The following PRDM2 variants were observed in gnomAD, a reference collection of about 807,000 sequenced individuals.
The protein encoded by PRDM2 is PR/SET domain 2, also known as PR domain zinc finger protein 2.
In PRDM2, 30 loss-of-function variants were observed where a neutral mutation model predicts 130.0. That is an observed-to-expected ratio of 0.23 (90% CI 0.17 to 0.31). The LOEUF (loss-of-function observed/expected upper bound fraction) is 0.31, where lower values mean the gene tolerates loss of function less well. Ranked by LOEUF, PRDM2 falls within the 10% of genes least tolerant of loss-of-function variation. The pLI is 1.00. For missense variants in PRDM2, 2,011 were observed against 2,108.4 expected (o/e 0.95, Z 0.90); for synonymous variants, 871 against 782.4 (o/e 1.11, Z -1.89).
rs536457598 is a variant in PRDM2 at position 13,757,832 on chromosome 1, A to G, written c.511+8345A>G. Among the ~76,000 whole-genome samples the G allele has an allele frequency of 4.0e-5, 5 of 125,710 alleles. No homozygotes were observed. The South Asian group carries it at 7.4e-4, about 19-fold the overall frequency. The allele number at this position is 125,710 out of a possible 152,430, so 82.5% of individuals were successfully genotyped here. ...CATTTAAGAGGAATGCACATGAACT[A>G]TTTGAAGCAGTACCTTCCTAAGAGG... On this transcript the variant is annotated intron_variant, in intron 6 of 9. Coordinates refer to ENST00000311066, the MANE Select transcript of PRDM2 (RefSeq NM_001393986.1).
chr1:13,784,997 C>CT (rs1237059040), intron 8 of PRDM2, among the ~76,000 whole-genome samples: 1 of 152,178 alleles, frequency 6.6e-6, no homozygotes. Context: ...GTGGGCATTT[C>CT]TTTAAAGTGT....
In PRDM2 at chr1:13,730,983, C is replaced by T. The variant is rs146545513; in HGVS notation, c.10-17C>T. ...TTTCTTTCTTTTGCTGTGATCCTTC[C>T]ATTTCTTGACTTGCAGAACACTACT... On this transcript the variant is annotated splice_polypyrimidine_tract_variant and intron_variant, in intron 2 of 9. Transcript: ENST00000311066. The T allele has an allele frequency of 0.025, 38,134 of 1,536,362 alleles. 1,022 individuals are homozygous for T. The highest frequency in any genetic ancestry group is 0.12 in the South Asian group (10,272 of 85,700).
chr1:13,770,158 T>C (rs932491558), intron 6 of PRDM2, among the ~76,000 whole-genome samples: 2 of 152,022 alleles, frequency 1.3e-5, no homozygotes, highest in African/African-American at 4.8e-5. Flanking sequence ...CTCCTCACAG[T>C]GGATTGGGTT....
chr1:13,779,884 A>C lies in PRDM2; in HGVS notation c.2089A>C (p.Thr697Pro). 1 of 1,595,944 alleles carries C rather than the reference A, an allele frequency of 6.3e-7. No individual in the cohort carries two copies. The highest frequency in any genetic ancestry group is 1.1e-5 in the South Asian group (1 of 90,406). Residue 697 changes from threonine to proline, a missense_variant, in exon 8 of 10, where the codon ACC becomes CCC. By Grantham distance (38) the Thr-to-Pro change is conservative. Around this residue, in one of 5 missense-constraint regions of PRDM2, gnomAD observed 1,288 missense variants for 1,237.7 expected, o/e 1.04. Coordinates refer to ENST00000311066, the MANE Select transcript of PRDM2 (RefSeq NM_001393986.1). The surrounding 1 kb of genome is among the most constrained non-coding windows in gnomAD (Gnocchi z 4.9). ...LSSKLKQLLQ[T>P]QDKLTPAGIS... ...ATCAAAGCTCAAACAACTTCTTCAA[A>C]CCCAAGATAAACTAACTCCTGCAGG...
chr1:13,755,029 A>G (rs1643915685), intron 6 of PRDM2, among the ~76,000 whole-genome samples: 1 of 152,088 alleles, frequency 6.6e-6, no homozygotes. Context: ...GTTGCCTGCC[A>G]GGATGAACTC....
At chr1:13,763,508 GT>G (rs1644152465) in intron 6 of PRDM2, among the ~76,000 whole-genome samples, 2 of 152,090 alleles carry the variant, frequency 1.3e-5, no homozygotes, top group Non-Finnish European at 2.9e-5. Context: ...TTCCTGAACG[GT>G]TTTCCTGAGT....
At chr1:13,823,100 C>A in intron 9 of PRDM2, 59 bp from the exon 10 acceptor site, 4 of 1,503,050 alleles carry the variant, frequency 2.7e-6, no homozygotes, top group Non-Finnish European at 3.7e-6. Flanking sequence ...CATGGACCAC[C>A]ATGGTCGGCA....
rs547486798 is a variant in PRDM2 at position 13,817,470 on chromosome 1, T to C, written c.*23+900T>C. ...TTTCATTTTTGGAGTACCTGGATTC[T>C]GCTGGTGACCCACGAGCAGGCTTGG... On this transcript the variant is annotated intron_variant, in intron 9 of 9. Transcript: ENST00000311066. 7.9e-5 allele frequency among the ~76,000 whole-genome samples: 12 copies of C among 152,184 alleles called. No homozygotes were observed. The South Asian group carries it at 2.5e-3, about 32-fold the overall frequency.
chr1:13,759,889 G>A (rs949142100), intron 6 of PRDM2, among the ~76,000 whole-genome samples: 2 of 152,106 alleles, frequency 1.3e-5, no homozygotes, highest in Non-Finnish European at 2.9e-5. Context: ...GTTGTCAGTG[G>A]TCTCAATCTT....
chr1:13,765,269 G>A (rs2495086), intron 6 of PRDM2, among the ~76,000 whole-genome samples: 6,691 of 152,266 alleles, frequency 0.044, 235 homozygotes, highest in African/African-American at 0.1. Context: ...TTACATTAAA[G>A]CATACATTAA....
intron 1 of PRDM2, 122 bp from the exon 2 acceptor site, chr1:13,715,415 GTTGA>G: frequency 2.5e-6 from 1 of 402,718 alleles, no homozygotes; most frequent in Non-Finnish European, 4.6e-6. Flanking sequence ...ATAGATTGAA[GTTGA>G]TTTGGCATAG....
Position 13,780,125 on chromosome 1 carries a change from G to C in PRDM2, c.2330G>C (p.Ser777Thr), listed in dbSNP as rs148063973. Reference sequence around the variant, plus strand: ...ACTTCCAAAAAATCCAAATTAGAAAGTCACAGCGACTCACCAGCATGGAGT... The same window carrying C: ...ACTTCCAAAAAATCCAAATTAGAAACTCACAGCGACTCACCAGCATGGAGT... ...GLTSKKSKLE[S>T]HSDSPAWSLS... Residue 777 changes from serine (S) to threonine (T), a missense_variant, in exon 8 of 10, where the codon AGT becomes ACT. Ser to Thr is a moderately conservative substitution (Grantham distance 58). Transcript: ENST00000311066. 169 of 1,611,722 alleles carry C rather than the reference G, an allele frequency of 1.0e-4. 1 individual carries two copies. Among genetic ancestry groups the C allele is most frequent in the Middle Eastern group, 1.6e-4 (1 of 6,074 alleles).
chr1:13,729,180 A>C lies in PRDM2; in HGVS notation c.10-1820A>C, dbSNP rs114623466. ...CATTCTACCCAGCATGTAAGACAGC[A>C]CAGTGCCTTGAGCGAGGAAGTTCTC... On this transcript the variant is annotated intron_variant, in intron 2 of 9. Coordinates refer to ENST00000311066, the MANE Select transcript of PRDM2 (RefSeq NM_001393986.1). 4.1e-3 allele frequency among the ~76,000 whole-genome samples: 632 copies of C among 152,290 alleles called. 7 individuals carry two copies. The highest frequency in any genetic ancestry group is 0.015 in the African/African-American group (603 of 41,542).
intron 7 of PRDM2, among the ~76,000 whole-genome samples, chr1:13,773,866 A>G (rs1644411828): frequency 6.6e-6 from 1 of 152,220 alleles, no homozygotes; most frequent in Admixed American, 6.5e-5. Context: ...GAATGGTCAC[A>G]TGGGTATATA....
At chr1:13,746,132 T>C (rs934233784) in intron 5 of PRDM2, among the ~76,000 whole-genome samples, 4 of 152,220 alleles carry the variant, frequency 2.6e-5, no homozygotes, top group African/African-American at 7.2e-5. Context: ...AGCAGATTCT[T>C]GGTTTTATAC....
intron 5 of PRDM2, 106 bp from the exon 6 acceptor site, chr1:13,749,255 C>T: frequency 9.1e-7 from 1 of 1,102,646 alleles, no homozygotes; most frequent in African/African-American, 1.7e-5. Flanking sequence ...CCGCCGACAG[C>T]TGTTTGCCAT....
chr1:13,805,959 C>T (rs1359678182), intron 8 of PRDM2, among the ~76,000 whole-genome samples: 1 of 152,108 alleles, frequency 6.6e-6, no homozygotes, highest in Admixed American at 6.5e-5. Context: ...TTTCCCTCCA[C>T]CCTTCTTGAA....
chr1:13,707,614 G>A (rs891508936), intron 1 of PRDM2, among the ~76,000 whole-genome samples: 2 of 152,182 alleles, frequency 1.3e-5, no homozygotes, highest in Non-Finnish European at 2.9e-5. Context: ...TTTTGCAGGA[G>A]GTAATAATGG....
intron 8 of PRDM2, chr1:13,786,526 A>G (rs192530766): frequency 1.2e-6 from 2 of 1,610,496 alleles, no homozygotes; most frequent in African/African-American, 1.3e-5. Context: ...AACTTCCTGT[A>G]GAAAAGCCCC....
Sources: allele counts gnomAD v4.1 joint callset (sites outside exome capture counted in the v4.1 genomes callset), GRCh38; gene constraint gnomAD v4.1.1; regional missense constraint gnomAD v4.1.1; non-coding constraint Gnocchi (gnomAD v3.1); transcripts MANE v1.5; gene names NCBI Gene and HGNC (gene_info 2026-07-23, HGNC 2026-07-21).